PATJ: variants seen among roughly 807,000 people sequenced by gnomAD.
PATJ encodes the protein PATJ crumbs cell polarity complex component, also known as inaD-like protein.
A neutral mutation model predicts 224.9 loss-of-function variants in PATJ; 190 were observed. The observed-to-expected ratio is 0.84, with a 90% CI of 0.75 to 0.95. PATJ has a LOEUF of 0.95. PATJ is among the 40% of genes least tolerant of loss of function. The pLI, the probability that PATJ is intolerant of heterozygous loss-of-function variation, is 0.00. For missense variants in PATJ, 2,121 were observed against 2,270.3 expected (o/e 0.93, Z 1.34); for synonymous variants, 769 against 820.3 (o/e 0.94, Z 1.07).
chr1:61,864,421 G>T lies in PATJ; in HGVS notation c.2623G>T (p.Glu875Ter). The T allele has an allele frequency of 6.2e-7, 1 of 1,613,740 alleles. No homozygotes were observed. The highest frequency in any genetic ancestry group is 8.5e-7 in the Non-Finnish European group (1 of 1,179,648). Residue 875 changes from glutamate to a stop codon, truncating the protein, a stop_gained, in exon 20 of 44, where the codon GAA (glutamate) becomes TAA (stop). Coordinates refer to ENST00000642238, the MANE Select transcript of PATJ (RefSeq NM_001350145.3). LOFTEE classifies it high-confidence loss of function. ...AGAAAGAGAAATTCTTGTTGATGAAGAATATGAGTTATATCAAGATCCCTC... is the reference window on the plus strand; with the variant it reads ...AGAAAGAGAAATTCTTGTTGATGAATAATATGAGTTATATCAAGATCCCTC... ...DEEREILVDEEYELYQDPSPS... is the reference protein window; with the variant it reads ...DEEREILVDE
intron 22 of PATJ, among the ~76,000 whole-genome samples, chr1:61,894,200 G>C (rs1557834950): frequency 6.6e-6 from 1 of 151,840 alleles, no homozygotes. Flanking sequence ...GTTGCAGTGA[G>C]CGAAGATTGT....
At chr1:62,130,822 T>G (rs995856047) in intron 41 of PATJ, among the ~76,000 whole-genome samples, 4 of 151,952 alleles carry the variant, frequency 2.6e-5, no homozygotes, top group Admixed American at 6.6e-5. Flanking sequence ...CTGCACTCCA[T>G]CCTGGGCGAC....
chr1:61,771,396 A>G lies in PATJ; in HGVS notation c.525-35A>G, dbSNP rs113625327. The G allele has an allele frequency of 2.6e-3, 3,687 of 1,392,566 alleles. 79 individuals are homozygous for G. In the African/African-American group the frequency reaches 0.047, roughly 18 times the overall value. 86.3% of individuals were successfully genotyped at this position (1,392,566 alleles called of 1,614,324 possible). A position where few individuals can be genotyped will look rare whatever the true frequency, so the allele number is the denominator to read the frequency against. ...AGATTTTTAAAAATCAGGTTATTAG[A>G]TCACTTAAAAAATTTCTTTTCTTAC... On this transcript the variant is annotated intron_variant, in intron 5 of 43. Transcript: ENST00000642238.
At chr1:62,023,749 C>G (rs144673384) in intron 29 of PATJ, among the ~76,000 whole-genome samples, 22 of 152,288 alleles carry the variant, frequency 1.4e-4, no homozygotes, top group Non-Finnish European at 2.8e-4. Context: ...AGCAATCCTT[C>G]TTTAGGAAAG....
intron 41 of PATJ, among the ~76,000 whole-genome samples, chr1:62,135,532 A>G (rs1666747119): frequency 6.6e-6 from 1 of 150,984 alleles, no homozygotes; most frequent in East Asian, 1.9e-4. Context: ...AAAAAAAAAA[A>G]AAAAAAGCCA....
At chr1:61,788,341 T>C (rs1018071013) in intron 8 of PATJ, among the ~76,000 whole-genome samples, 2 of 152,056 alleles carry the variant, frequency 1.3e-5, no homozygotes, top group African/African-American at 4.8e-5. Flanking sequence ...AGGGAATGGA[T>C]ATCAATAATA....
At chr1:61,987,460 C>G (rs896703215) in intron 27 of PATJ, among the ~76,000 whole-genome samples, 1 of 151,952 alleles carries the variant, frequency 6.6e-6, no homozygotes, top group African/African-American at 2.4e-5. Flanking sequence ...ATTGGTGTTT[C>G]ATGTTGTTTT....
intron 27 of PATJ, among the ~76,000 whole-genome samples, chr1:61,931,452 G>A (rs1676016953): frequency 6.6e-6 from 1 of 152,096 alleles, no homozygotes. Context: ...CATTGGACGA[G>A]ACAAAGAATT....
In PATJ at chr1:61,754,519, TG is replaced by T. The variant is rs67573562; in HGVS notation, c.-35-8338del. ...CACCATGCCTGGCTAATTTTTTGCA[TG>T]TTTTTTTTTTTTTTTTTTTTTTGTA... is the stretch of plus-strand genomic sequence containing the variant. On this transcript the variant is annotated intron_variant, in intron 1 of 43. Coordinates refer to ENST00000642238, the MANE Select transcript of PATJ (RefSeq NM_001350145.3). Among the ~76,000 whole-genome samples the T allele has an allele frequency of 9.9e-3, 821 of 83,196 alleles. 4 individuals carry two copies. The highest frequency in any genetic ancestry group is 0.021 in the African/African-American group (473 of 22,198). The allele number at this position is 83,196 out of a possible 152,430, so 54.6% of individuals were successfully genotyped here. A position where few individuals can be genotyped will look rare whatever the true frequency, so the allele number is the denominator to read the frequency against.
At position 62,106,136 on chromosome 1, in the gene PATJ, A is replaced by G. The variant is rs867580385; in HGVS notation, c.4378-2301A>G. Among the ~76,000 whole-genome samples, 288 of 72,346 alleles carry G rather than the reference A, an allele frequency of 4.0e-3. 6 individuals are homozygous for G. Among genetic ancestry groups the G allele is most frequent in the South Asian group, 9.7e-3 (14 of 1,442 alleles). 47.5% of individuals were successfully genotyped at this position (72,346 alleles called of 152,430 possible). On this transcript the variant is annotated intron_variant, in intron 33 of 43. Coordinates refer to ENST00000642238, the MANE Select transcript of PATJ (RefSeq NM_001350145.3). Reference sequence around the variant, plus strand: ...CACACACACAAACACACATATATACATGTGTATATGTGTGTGTGTGTGTAT... The same window carrying G: ...CACACACACAAACACACATATATACGTGTGTATATGTGTGTGTGTGTGTAT...
In PATJ at chr1:61,826,850, G is replaced by T. The variant is rs530618932; in HGVS notation, c.1819-572G>T. ...TTTTCAATAGAAGTTATTTTTCTAG[G>T]ATGGTATTAAGAGTGTGTGGGATGT... On this transcript the variant is annotated intron_variant, in intron 15 of 43. Coordinates refer to ENST00000642238, the MANE Select transcript of PATJ (RefSeq NM_001350145.3). Among the ~76,000 whole-genome samples, 6 of 152,280 alleles carry T rather than the reference G, an allele frequency of 3.9e-5. No individual in the cohort carries two copies. In the South Asian group the frequency reaches 1.2e-3, roughly 32 times the overall value.
At chr1:61,928,923 C>T (rs1441205108) in intron 27 of PATJ, among the ~76,000 whole-genome samples, 1 of 152,040 alleles carries the variant, frequency 6.6e-6, no homozygotes, top group East Asian at 1.9e-4. Context: ...TTCAATAAAT[C>T]TTTGTTGAAT....
intron 27 of PATJ, among the ~76,000 whole-genome samples, chr1:61,937,116 A>G (rs1262355443): frequency 1.3e-5 from 2 of 152,158 alleles, no homozygotes; most frequent in Non-Finnish European, 2.9e-5. Flanking sequence ...ACTGTCACCC[A>G]TGTGCATGGG....
rs116240444 is a variant in PATJ at position 61,777,243 on chromosome 1, A to G, written c.849+1909A>G. Among the ~76,000 whole-genome samples the G allele has an allele frequency of 2.3e-3, 352 of 152,328 alleles. 2 individuals carry two copies. The highest frequency in any genetic ancestry group is 7.1e-3 in the African/African-American group (297 of 41,590). On this transcript the variant is annotated intron_variant, in intron 7 of 43. Coordinates refer to ENST00000642238, the MANE Select transcript of PATJ (RefSeq NM_001350145.3). ...AATTTTGGAAAATTTGTATTTTACC[A>G]TAAGCATGACATTTCCCTAATACTT...
intron 22 of PATJ, among the ~76,000 whole-genome samples, chr1:61,893,828 AG>A (rs1242472058): frequency 6.6e-6 from 1 of 151,640 alleles, no homozygotes; most frequent in Non-Finnish European, 1.5e-5. Flanking sequence ...GATAGCATAA[AG>A]GTGTCATGGT....
At chr1:62,006,836 G>A (rs570549450) in intron 28 of PATJ, among the ~76,000 whole-genome samples, 4 of 152,242 alleles carry the variant, frequency 2.6e-5, no homozygotes, top group Non-Finnish European at 4.4e-5. Flanking sequence ...TGAGAAATGC[G>A]TCACTGAGTG....
chr1:61,951,477 C>T (rs1288248427), intron 27 of PATJ, among the ~76,000 whole-genome samples: 3 of 151,078 alleles, frequency 2.0e-5, no homozygotes, highest in Admixed American at 2.0e-4. Context: ...AAAGATTATA[C>T]TGTATAATTG....
intron 1 of PATJ, among the ~76,000 whole-genome samples, chr1:61,746,847 C>A (rs1328778002): frequency 1.3e-5 from 2 of 152,152 alleles, no homozygotes; most frequent in African/African-American, 4.8e-5. Flanking sequence ...GATGTATTTT[C>A]TTTCAGATTG....
At chr1:62,029,008 G>T (rs1023392889) in intron 29 of PATJ, among the ~76,000 whole-genome samples, 4 of 53,794 alleles carry the variant, frequency 7.4e-5, no homozygotes, top group Non-Finnish European at 1.7e-4. Flanking sequence ...CGTATACCAG[G>T]GTTTATTTCT....
Sources: allele counts gnomAD v4.1 joint callset (sites outside exome capture counted in the v4.1 genomes callset), GRCh38; gene constraint gnomAD v4.1.1; transcripts MANE v1.5; gene names NCBI Gene and HGNC (gene_info 2026-07-23, HGNC 2026-07-21).